KLF7: variants seen among roughly 807,000 people sequenced by gnomAD.
KLF7 encodes Krueppel-like factor 7.
Under a neutral mutation model 27.3 loss-of-function variants are expected in KLF7, and 2 were observed. That is an observed-to-expected ratio of 0.07 (90% confidence interval 0.03 to 0.23). KLF7 has a LOEUF of 0.23. Among genes scored for constraint, KLF7 ranks in the 10% least tolerant of loss-of-function variants. The pLI is 1.00. For missense variants in KLF7, 221 were observed against 394.1 expected (o/e 0.56, Z 3.72); for synonymous variants, 165 against 162.4 (o/e 1.02, Z -0.12).
upstream of KLF7, chr2:207,167,242 C>T (rs2078742520): frequency 7.5e-6 from 8 of 1,070,794 alleles, no homozygotes; most frequent in African/African-American, 1.7e-5. Context: ...AGATCTGTTA[C>T]ATCTGAGATG....
At chr2:207,141,428 A>G (rs1379887548) in intron 1 of KLF7, among the ~76,000 whole-genome samples, 1 of 152,160 alleles carries the variant, frequency 6.6e-6, no homozygotes, top group Non-Finnish European at 1.5e-5. Context: ...ATCAAACTCA[A>G]ACACATTCAG....
upstream of KLF7, among the ~76,000 whole-genome samples, chr2:207,170,139 AT>A (rs1231692053): frequency 6.6e-6 from 1 of 152,192 alleles, no homozygotes; most frequent in African/African-American, 2.4e-5. Context: ...GAAATTAAAA[AT>A]GCTACTCCAA....
At chr2:207,097,372 C>T (rs76497491) in intron 2 of KLF7, among the ~76,000 whole-genome samples, 5 of 152,054 alleles carry the variant, frequency 3.3e-5, no homozygotes, top group Non-Finnish European at 7.4e-5. Context: ...GTGTTATTAA[C>T]GGTGTTTGTT....
At chr2:207,092,732 A>C (rs1313791959) in intron 2 of KLF7, among the ~76,000 whole-genome samples, 1 of 152,258 alleles carries the variant, frequency 6.6e-6, no homozygotes, top group Admixed American at 6.5e-5. Flanking sequence ...TGACTGATCA[A>C]AAAACACTGC....
rs534203939 is a variant in KLF7 at position 207,119,194 on chromosome 2, C to G, written c.733+4580G>C. ...CATGGCTTCTTCACATCTCCCTTCA[C>G]TGCAAACAAGAATCAAAGATCTAAT... On this transcript the variant is annotated intron_variant, in intron 2 of 3. Transcript: ENST00000309446. Among the ~76,000 whole-genome samples the G allele has an allele frequency of 4.6e-5, 7 of 152,340 alleles. No homozygotes were observed. The South Asian group carries it at 1.4e-3, about 32-fold the overall frequency.
At chr2:207,139,316 T>C (rs186511263) in intron 1 of KLF7, among the ~76,000 whole-genome samples, 75 of 152,328 alleles carry the variant, frequency 4.9e-4, no homozygotes, top group South Asian at 1.2e-3. Flanking sequence ...TCTGGTAATC[T>C]TGTAACCTTG....
chr2:207,128,096 C>T (rs897752420), intron 1 of KLF7, among the ~76,000 whole-genome samples: 2 of 152,032 alleles, frequency 1.3e-5, no homozygotes, highest in East Asian at 3.9e-4. Context: ...CCAGGACTCC[C>T]TAGAGAAATA....
upstream of KLF7, chr2:207,166,025 C>A (rs1430218492): frequency 2.4e-5 from 18 of 739,284 alleles, no homozygotes; most frequent in Non-Finnish European, 2.6e-5. Flanking sequence ...CTTCCCCCCC[C>A]TTCCCTTCCC....
At chr2:207,111,395 G>T (rs1351130111) in intron 2 of KLF7, among the ~76,000 whole-genome samples, 1 of 152,210 alleles carries the variant, frequency 6.6e-6, no homozygotes, top group Non-Finnish European at 1.5e-5. Context: ...CAGGCTGAGA[G>T]GGGCTGAATC....
chr2:207,167,169 G>T, upstream of KLF7: 1 of 1,429,922 alleles, frequency 7.0e-7, no homozygotes, highest in Non-Finnish European at 9.2e-7. Flanking sequence ...TGTCTGCAGA[G>T]CTTCGATGGT....
In KLF7 at chr2:207,077,254, G is replaced by A. The variant is rs1223912592; in HGVS notation, c.*3959C>T. ...CAAGAGGCAATGTTCCGAATGCACT[G>A]GAAGAGCCATCCAAAAGCCCCATTT... On this transcript the variant is annotated 3_prime_UTR_variant, in exon 4 of 4. Coordinates refer to ENST00000309446, the MANE Select transcript of KLF7 (RefSeq NM_003709.4). The A allele has an allele frequency of 6.6e-6, 1 of 152,178 alleles. No individual in the cohort carries two copies. Among genetic ancestry groups the A allele is most frequent in the African/African-American group, 2.4e-5 (1 of 41,444 alleles). The allele number at this position is 152,178 out of a possible 1,614,324, so 9.4% of individuals were successfully genotyped here.
intron 2 of KLF7, among the ~76,000 whole-genome samples, chr2:207,094,303 A>T (rs1392726540): frequency 6.6e-6 from 1 of 152,144 alleles, no homozygotes; most frequent in Admixed American, 6.5e-5. Context: ...AGAGATTAGG[A>T]TTTTGACCTG....
intron 3 of KLF7, among the ~76,000 whole-genome samples, chr2:207,086,785 C>T (rs1214060476): frequency 1.3e-5 from 2 of 152,222 alleles, no homozygotes; most frequent in South Asian, 2.1e-4. Context: ...CCAATAATTA[C>T]GGCTACCCAT....
In KLF7 at chr2:207,078,730, TAC is replaced by T. The variant is rs2076217846; in HGVS notation, c.*2481_*2482del. On this transcript the variant is annotated 3_prime_UTR_variant, in exon 4 of 4. Transcript: ENST00000309446. The stretch of plus-strand genomic sequence containing the variant: ...CATCTAGTGCACTGACTGGAGGCGC[TAC>T]AGTTTAATACAGCTGAGGTTCAAGG... 1 of 152,184 alleles carries T rather than the reference TAC, an allele frequency of 6.6e-6. No individual in the cohort carries two copies. The highest frequency in any genetic ancestry group is 1.9e-4 in the East Asian group (1 of 5,190). The allele number at this position is 152,184 out of a possible 1,614,324, so 9.4% of individuals were successfully genotyped here. A position where few individuals can be genotyped will look rare whatever the true frequency, so the allele number is the denominator to read the frequency against.
rs36091471 is a variant in KLF7 at position 207,095,031 on chromosome 2, CTTTTTTTTTTTT to C, written c.734-6462_734-6451del. Among the ~76,000 whole-genome samples, 5 of 82,418 alleles carry C rather than the reference CTTTTTTTTTTTT, an allele frequency of 6.1e-5. 1 individual carries two copies. The highest frequency in any genetic ancestry group is 9.6e-5 in the African/African-American group (2 of 20,870). The allele number at this position is 82,418 out of a possible 152,430, so 54.1% of individuals were successfully genotyped here. Reference sequence around the variant, plus strand: ...AACATTTGCCCTATTTGTTTTTATTCTTTTTTTTTTTTTTTTTTTTTTTTTCTGAGACGGAGT... The same window carrying C: ...AACATTTGCCCTATTTGTTTTTATTCTTTTTTTTTTTTTCTGAGACGGAGT... On this transcript the variant is annotated intron_variant, in intron 2 of 3. Transcript: ENST00000309446.
Position 207,088,586 on chromosome 2 carries a change from A to C in KLF7, c.734-5T>G. On this transcript the variant is annotated splice_region_variant and splice_polypyrimidine_tract_variant and intron_variant, in intron 2 of 3. Coordinates refer to ENST00000309446, the MANE Select transcript of KLF7 (RefSeq NM_003709.4). ...AGCACTTATAAGGCTTCTCACCTGC[A>C]AGAAGAGATGGAAGGACCGTGGTCA... 1 of 1,613,170 alleles carries C rather than the reference A, an allele frequency of 6.2e-7. No homozygotes were observed. The highest frequency in any genetic ancestry group is 8.5e-7 in the Non-Finnish European group (1 of 1,179,446).
chr2:207,126,662 G>A (rs939428506), intron 1 of KLF7, among the ~76,000 whole-genome samples: 1 of 152,188 alleles, frequency 6.6e-6, no homozygotes, highest in East Asian at 1.9e-4. Context: ...AATTTGCCGG[G>A]CGCAGTGGCT....
intron 1 of KLF7, among the ~76,000 whole-genome samples, chr2:207,126,809 C>CA (rs35099385): frequency 0.28 from 36,267 of 128,870 alleles, 4,934 homozygotes; most frequent in Admixed American, 0.39. Context: ...CTGTTTCTAC[C>CA]AAAAAAAAAA....
intron 1 of KLF7, among the ~76,000 whole-genome samples, chr2:207,134,456 G>A (rs1402997323): frequency 6.6e-6 from 1 of 152,112 alleles, no homozygotes; most frequent in Non-Finnish European, 1.5e-5. Context: ...GGAGAGCTTT[G>A]AGGAACTTCC....
Sources: gnomAD v4.1 joint callset for allele counts (sites outside exome capture counted in the v4.1 genomes callset) on GRCh38, gnomAD v4.1.1 for gene constraint, MANE v1.5 for transcripts, NCBI Gene and HGNC (gene_info 2026-07-23, HGNC 2026-07-21) for gene names.